Variants in ALDH3A2 observed in about 807,000 individuals in gnomAD.
ALDH3A2 encodes the protein aldehyde dehydrogenase family 3 member A2.
A neutral mutation model predicts 51.3 loss-of-function variants in ALDH3A2; 36 were observed. The observed-to-expected ratio is 0.70, with a 90% CI of 0.54 to 0.93. The LOEUF is 0.93. Among genes scored for constraint, ALDH3A2 ranks in the 40% least tolerant of loss-of-function variants. The pLI, the probability that ALDH3A2 is intolerant of heterozygous loss-of-function variation, is 0.00. For synonymous variants in ALDH3A2, 199 were observed against 219.8 expected (o/e 0.91, Z 0.84); for missense variants, 552 against 603.1 (o/e 0.92, Z 0.89).
intron 9 of ALDH3A2, among the ~76,000 whole-genome samples, 166 bp downstream of exon 9, chr17:19,672,122 C>T (rs943212035): frequency 1.1e-4 from 16 of 152,196 alleles, no homozygotes; most frequent in African/African-American, 3.9e-4. Flanking sequence ...GTTATTGGAA[C>T]ACAGCCACAC....
At chr17:19,656,283 C>A in intron 3 of ALDH3A2, 83 bp from the exon 4 acceptor site, 1 of 1,226,094 alleles carries the variant, frequency 8.2e-7, no homozygotes, top group Non-Finnish European at 1.2e-6. Flanking sequence ...CTGAATGTTA[C>A]ATGTTTATGT....
chr17:19,663,534 C>G, intron 7 of ALDH3A2, 35 bp downstream of exon 7: 2 of 1,603,702 alleles, frequency 1.2e-6, no homozygotes, highest in Non-Finnish European at 1.7e-6. Context: ...TTAGCATAAG[C>G]AACTGTCAAG....
chr17:19,667,987 T>C (rs2085062175), intron 8 of ALDH3A2, among the ~76,000 whole-genome samples: 1 of 152,244 alleles, frequency 6.6e-6, no homozygotes, highest in African/African-American at 2.4e-5. Flanking sequence ...TCCCCAATTC[T>C]GGATTATTCC....
intron 9 of ALDH3A2, 50 bp downstream of exon 9, chr17:19,672,006 G>A: frequency 6.7e-7 from 1 of 1,496,092 alleles, no homozygotes. Context: ...CTGGCCTGAT[G>A]GCTGCCAGAT....
chr17:19,666,944 T>A (rs2085046701), intron 8 of ALDH3A2, among the ~76,000 whole-genome samples: 1 of 151,980 alleles, frequency 6.6e-6, no homozygotes, highest in South Asian at 2.1e-4. Flanking sequence ...ATTATTATAG[T>A]GGCCATGCTG....
At chr17:19,669,731 C>T (rs1373993234) in intron 8 of ALDH3A2, among the ~76,000 whole-genome samples, 2 of 152,084 alleles carry the variant, frequency 1.3e-5, no homozygotes, top group African/African-American at 4.8e-5. Context: ...ACCTCTTAGG[C>T]TCAAACAATC....
At chr17:19,668,396 C>T (rs1444922231) in intron 8 of ALDH3A2, among the ~76,000 whole-genome samples, 10 of 151,840 alleles carry the variant, frequency 6.6e-5, no homozygotes, top group Non-Finnish European at 1.0e-4. Flanking sequence ...TACAGGCACC[C>T]GACACCACTC....
intron 9 of ALDH3A2, among the ~76,000 whole-genome samples, chr17:19,672,653 G>A (rs1310736194): frequency 4.6e-5 from 7 of 152,178 alleles, no homozygotes; most frequent in African/African-American, 7.2e-5. Context: ...GCCCTCAGCC[G>A]TTCAACTGAG....
intron 7 of ALDH3A2, 42 bp from the exon 8 acceptor site, chr17:19,664,906 G>T: frequency 1.4e-6 from 2 of 1,463,440 alleles, no homozygotes; most frequent in Non-Finnish European, 1.9e-6. Context: ...TGTTCCCTAA[G>T]GGGCAACTTC....
At position 19,661,500 on chromosome 17, in the gene ALDH3A2, C is replaced by T. The variant is rs114819899; in HGVS notation, c.940+232C>T. On this transcript the variant is annotated intron_variant, in intron 6 of 9. Coordinates refer to ENST00000176643, the MANE Select transcript of ALDH3A2 (RefSeq NM_000382.3). ...GTTGCTCCAGTTGTTCATATTTACACATAACTCCTTTTTTCCTCCTAACAA... is the reference window on the plus strand; with the variant it reads ...GTTGCTCCAGTTGTTCATATTTACATATAACTCCTTTTTTCCTCCTAACAA... 8.8e-3 allele frequency: 4,541 copies of T among 513,544 alleles called. 149 individuals carry two copies. The highest frequency in any genetic ancestry group is 0.079 in the African/African-American group (4,112 of 52,006). The allele number at this position is 513,544 out of a possible 1,614,324, so 31.8% of individuals were successfully genotyped here.
chr17:19,657,426 G>A (rs2084911587), intron 4 of ALDH3A2, among the ~76,000 whole-genome samples: 1 of 152,194 alleles, frequency 6.6e-6, no homozygotes, highest in African/African-American at 2.4e-5. Context: ...GGCTGGACTG[G>A]AAGAGGGGAA....
intron 5 of ALDH3A2, 31 bp downstream of exon 5, chr17:19,657,893 T>C: frequency 1.3e-6 from 2 of 1,509,958 alleles, no homozygotes; most frequent in African/African-American, 1.4e-5. Context: ...ATTCCACTGA[T>C]TTTAATAAGA....
At chr17:19,652,066 T>C (rs1567597346) in intron 2 of ALDH3A2, among the ~76,000 whole-genome samples, 1 of 152,196 alleles carries the variant, frequency 6.6e-6, no homozygotes, top group Non-Finnish European at 1.5e-5. Flanking sequence ...TGTTCTAATA[T>C]GGTTTCAGTT....
rs1049260316 is a variant in ALDH3A2, at chr17:19,656,442, A to C, written c.548A>C (p.Tyr183Ser). ...AAGCAGCGATTTGACCACATTTTCT[A>C]TACGGGAAACACTGCGGTTGGCAAA... ...LLKQRFDHIF[Y>S]TGNTAVGKIV... Residue 183 changes from tyrosine (Y) to serine (S), a missense_variant, in exon 4 of 10, where the codon TAT becomes TCT. Coordinates refer to ENST00000176643, the MANE Select transcript of ALDH3A2 (RefSeq NM_000382.3). 1.9e-6 allele frequency: 3 copies of C among 1,614,210 alleles called. No individual in the cohort carries two copies. The highest frequency in any genetic ancestry group is 1.7e-5 in the Admixed American group (1 of 60,028).
At chr17:19,656,151 G>C in intron 3 of ALDH3A2, 1 of 585,366 alleles carries the variant, frequency 1.7e-6, no homozygotes, top group South Asian at 1.9e-5. Flanking sequence ...GGAGTCTCCA[G>C]ATTAGTTCTA....
chr17:19,656,140 T>C, intron 3 of ALDH3A2: 1 of 558,800 alleles, frequency 1.8e-6, no homozygotes, highest in Non-Finnish European at 3.2e-6. Flanking sequence ...AAAAAAACAC[T>C]GGAGTCTCCA....
rs1202665752 is a variant in ALDH3A2, at chr17:19,661,216, A to G, written c.888A>G (p.Glu296=). The G allele has an allele frequency of 6.2e-7, 1 of 1,614,080 alleles. No individual in the cohort carries two copies. The highest frequency in any genetic ancestry group is 1.3e-5 in the African/African-American group (1 of 74,934). The stretch of plus-strand genomic sequence containing the variant: ...TTAAGAGGATACTAAGTTTGCTTGA[A>G]GGACAAAAGATAGCTTTTGGTGGGG... The part of the protein sequence containing the change: ...RHFKRILSLL[E]GQKIAFGGET... The change falls in exon 6 of 10, where the codon GAA becomes GAG. Residue 296 remains glutamate, a synonymous_variant. Transcript: ENST00000176643.
intron 9 of ALDH3A2, chr17:19,673,087 A>G (rs2085139837): frequency 6.2e-7 from 1 of 1,607,672 alleles, no homozygotes; most frequent in African/African-American, 1.3e-5. Flanking sequence ...CTCATCTTAC[A>G]GTATCCCAGC....
chr17:19,656,231 C>T, intron 3 of ALDH3A2, 135 bp from the exon 4 acceptor site: 1 of 834,326 alleles, frequency 1.2e-6, no homozygotes, highest in African/African-American at 1.7e-5. Flanking sequence ...GTTCCCTCTC[C>T]CATCCCTCAC....
Sources: allele counts gnomAD v4.1 joint callset (sites outside exome capture counted in the v4.1 genomes callset), GRCh38; gene constraint gnomAD v4.1.1; transcripts MANE v1.5; gene names NCBI Gene and HGNC (gene_info 2026-07-23, HGNC 2026-07-21).